The following SLC25A23 variants were observed in gnomAD, a reference collection of about 807,000 sequenced individuals.
SLC25A23 encodes the protein mitochondrial adenyl nucleotide antiporter SLC25A23.
A neutral mutation model predicts 53.9 loss-of-function variants in SLC25A23; 32 were observed. That is an observed-to-expected ratio of 0.59 (90% CI 0.45 to 0.80). The LOEUF (loss-of-function observed/expected upper bound fraction) is 0.80, where lower values mean the gene tolerates loss of function less well. SLC25A23 is among the 30% of genes least tolerant of loss of function. The pLI is 0.00. For synonymous variants in SLC25A23, 275 were observed against 264.5 expected, an observed-to-expected ratio of 1.04 and a Z score of -0.38; for missense variants, 575 against 651.4, an observed-to-expected ratio of 0.88 and a Z score of 1.28.
intron 4 of SLC25A23, chr19:6,456,218 G>T: frequency 9.5e-7 from 1 of 1,057,896 alleles, no homozygotes; most frequent in Non-Finnish European, 1.3e-6. Context: ...GCTTCAATCA[G>T]ACAGCAGAGA....
Position 6,454,499 on chromosome 19 carries a change from G to A in SLC25A23, c.643-24C>T, listed in dbSNP as rs1163282177. ...ACCTGAATGGGGAGACAACAGCTTG[G>A]AGGTCCCCTCCCAGGTGTCAGGCCT... is the stretch of plus-strand genomic sequence containing the variant. On this transcript the variant is annotated intron_variant, in intron 5 of 9. Coordinates refer to ENST00000301454, the MANE Select transcript of SLC25A23 (RefSeq NM_024103.3). This position sits in a 1 kb window ranked among gnomAD's most constrained non-coding sequence, Gnocchi z 4.3. 1.9e-6 allele frequency: 3 copies of A among 1,613,666 alleles called. No homozygotes were observed. The highest frequency in any genetic ancestry group is 2.5e-6 in the Non-Finnish European group (3 of 1,179,906).
intron 8 of SLC25A23, among the ~76,000 whole-genome samples, chr19:6,451,950 C>G (rs1223490201): frequency 6.6e-6 from 1 of 151,914 alleles, no homozygotes; most frequent in Admixed American, 6.6e-5. Flanking sequence ...CTCCGCCTCC[C>G]AGGCTCAAGC....
intron 8 of SLC25A23, among the ~76,000 whole-genome samples, chr19:6,444,728 TGTGATCTTG>T (rs1425902357): frequency 2.6e-5 from 4 of 152,172 alleles, no homozygotes; most frequent in African/African-American, 9.6e-5. Flanking sequence ...AGTGCAGTGG[TGTGATCTTG>T]GCTCACTGCA....
At chr19:6,436,746 C>G (rs951819008), downstream of SLC25A23, among the ~76,000 whole-genome samples, 2 of 151,964 alleles carry the variant, frequency 1.3e-5, no homozygotes, top group African/African-American at 4.8e-5. Flanking sequence ...GACGGGGTTG[C>G]CATGTTGGCC....
In SLC25A23 at chr19:6,452,468, C is replaced by T. The variant is rs149780316; in HGVS notation, c.915G>A (p.Thr305=). ...TIIYPMEVLK[T]RLTLRRTGQY... is the part of the protein sequence containing the mutation. Reference sequence around the variant, plus strand: ...GGCCCGTCCGGCGCAAGGTCAGCCGCGTCTTCAGCACCTGGGGAGAACCTG... The same window carrying T: ...GGCCCGTCCGGCGCAAGGTCAGCCGTGTCTTCAGCACCTGGGGAGAACCTG... Residue 305 remains threonine, a synonymous_variant, in exon 8 of 10, where the codon ACG becomes ACA. Transcript: ENST00000301454. 44 of 1,604,698 alleles carry T rather than the reference C, an allele frequency of 2.7e-5. No homozygotes were observed. The highest frequency in any genetic ancestry group is 5.4e-5 in the African/African-American group (4 of 74,732).
chr19:6,458,172 C>T lies in SLC25A23; in HGVS notation c.283+26G>A, dbSNP rs758321701. 1.2e-5 allele frequency: 19 copies of T among 1,610,752 alleles called. No homozygotes were observed. The East Asian group carries it at 4.0e-4, about 34-fold the overall frequency. On this transcript the variant is annotated intron_variant, in intron 2 of 9. Transcript: ENST00000301454. Reference sequence around the variant, plus strand: ...GCCCCCACAGCCCTATCCCTTGGGGCCTGCAGGCAGGTCGCCCGACCTTAC... The same window carrying T: ...GCCCCCACAGCCCTATCCCTTGGGGTCTGCAGGCAGGTCGCCCGACCTTAC...
Position 6,454,798 on chromosome 19 carries a change from C to T in SLC25A23, c.484-81G>A. On this transcript the variant is annotated intron_variant, in intron 4 of 9. Transcript: ENST00000301454. The surrounding 1 kb of genome is among the most constrained non-coding windows in gnomAD (Gnocchi z 4.3). Reference sequence around the variant, plus strand: ...TCAGTCCTAAATAGGGGAGTCTCCTCTATGAATCCTAGGATACCCTAGAGT... The same window carrying T: ...TCAGTCCTAAATAGGGGAGTCTCCTTTATGAATCCTAGGATACCCTAGAGT... 2 of 1,513,870 alleles carry T rather than the reference C, an allele frequency of 1.3e-6. No individual in the cohort carries two copies. Among genetic ancestry groups the T allele is most frequent in the Non-Finnish European group, 9.0e-7 (1 of 1,112,190 alleles). 93.8% of individuals were successfully genotyped at this position (1,513,870 alleles called of 1,614,324 possible).
chr19:6,441,961 G>C lies in SLC25A23; in HGVS notation c.*14C>G, dbSNP rs748218826. 6 of 1,612,358 alleles carry C rather than the reference G, an allele frequency of 3.7e-6. No individual in the cohort carries two copies. Among genetic ancestry groups the C allele is most frequent in the Non-Finnish European group, 5.1e-6 (6 of 1,179,520 alleles). ...GTGGGGGGTGAGGGATTGGGGGGAC[G>C]GGCTCCGGGTCCCTCACCTGGACGT... On this transcript the variant is annotated 3_prime_UTR_variant, in exon 10 of 10. Transcript: ENST00000301454.
downstream of SLC25A23, chr19:6,438,732 C>T (rs911030374): frequency 1.4e-5 from 4 of 278,022 alleles, no homozygotes; most frequent in Middle Eastern, 8.5e-4. Flanking sequence ...ACCTGTAATA[C>T]CAGCTACTCT....
chr19:6,453,688 G>A (rs932770998), intron 7 of SLC25A23, among the ~76,000 whole-genome samples: 1 of 152,080 alleles, frequency 6.6e-6, no homozygotes, highest in African/African-American at 2.4e-5. Context: ...ACCTAGACAC[G>A]ACGTCCCTGG....
intron 8 of SLC25A23, among the ~76,000 whole-genome samples, chr19:6,447,305 A>G (rs2092518951): frequency 6.6e-6 from 1 of 151,790 alleles, no homozygotes; most frequent in Non-Finnish European, 1.5e-5. Context: ...GACCAAAACT[A>G]TTATTATTAT....
intron 7 of SLC25A23, 38 bp from the exon 8 acceptor site, chr19:6,452,517 A>G (rs1418062029): frequency 6.4e-7 from 1 of 1,574,570 alleles, no homozygotes; most frequent in Non-Finnish European, 8.7e-7. Flanking sequence ...AAGCTGTCCC[A>G]CCAAATCGCT....
chr19:6,444,927 A>G (rs1318481308), intron 8 of SLC25A23, among the ~76,000 whole-genome samples: 1 of 152,060 alleles, frequency 6.6e-6, no homozygotes, highest in Non-Finnish European at 1.5e-5. Flanking sequence ...TCAGCCTCTC[A>G]AAGTGCTGGG....
At chr19:6,452,571 CAG>C (rs1273360217) in intron 7 of SLC25A23, 92 bp from the exon 8 acceptor site, 7 of 1,440,990 alleles carry the variant, frequency 4.9e-6, no homozygotes, top group Middle Eastern at 1.8e-4. Context: ...CTCCTGAAAA[CAG>C]ATGCCCTGAG....
intron 3 of SLC25A23, among the ~76,000 whole-genome samples, chr19:6,456,878 C>T (rs1366210153): frequency 1.3e-5 from 2 of 151,798 alleles, no homozygotes; most frequent in Non-Finnish European, 2.9e-5. Flanking sequence ...CAGGGTTTCA[C>T]CATATTGGCC....
chr19:6,456,491 A>G lies in SLC25A23; in HGVS notation c.412T>C (p.Trp138Arg). ...DGTMTIDWQEWRDHFLLHSLE... is the reference protein window; with the variant it reads ...DGTMTIDWQERRDHFLLHSLE... ...GAATGCAACAGGAAGTGGTCGCGCCATTCTTGCCAGTCAATGGTCATTGTG... is the reference window on the plus strand; with the variant it reads ...GAATGCAACAGGAAGTGGTCGCGCCGTTCTTGCCAGTCAATGGTCATTGTG... Residue 138 changes from tryptophan to arginine, a missense_variant, in exon 4 of 10, where the codon TGG becomes CGG. Coordinates refer to ENST00000301454, the MANE Select transcript of SLC25A23 (RefSeq NM_024103.3). 1.9e-6 allele frequency: 3 copies of G among 1,613,396 alleles called. No homozygotes were observed. The highest frequency in any genetic ancestry group is 8.5e-7 in the Non-Finnish European group (1 of 1,179,940).
At position 6,459,542 on chromosome 19, in the gene SLC25A23, C is replaced by A; in HGVS notation, c.87G>T (p.Val29=). Reference sequence around the variant, plus strand: ...GCCCCTGGCGCAACTCGTGCACGTCCACGCGGCCATCCTTGTTACTGTCCA... The same window carrying A: ...GCCCCTGGCGCAACTCGTGCACGTCAACGCGGCCATCCTTGTTACTGTCCA... The part of the protein sequence containing the change: ...EELDSNKDGR[V]DVHELRQGLA... The change falls in exon 1 of 10, where the codon GTG becomes GTT. Residue 29 remains valine (V), a synonymous_variant. Transcript: ENST00000301454. This position sits in a 1 kb window ranked among gnomAD's most constrained non-coding sequence, Gnocchi z 4.6. 6.3e-7 allele frequency: 1 copy of A among 1,599,346 alleles called. No individual in the cohort carries two copies. The highest frequency in any genetic ancestry group is 8.5e-7 in the Non-Finnish European group (1 of 1,177,200).
intron 8 of SLC25A23, among the ~76,000 whole-genome samples, chr19:6,447,207 A>G (rs1330382843): frequency 6.6e-6 from 1 of 152,174 alleles, no homozygotes; most frequent in Non-Finnish European, 1.5e-5. Flanking sequence ...TACTGTGTGC[A>G]TTGACTCCCT....
In SLC25A23 at chr19:6,444,537, T is replaced by C. The variant is rs147252865; in HGVS notation, c.1072-236A>G. Among the ~76,000 whole-genome samples the C allele has an allele frequency of 2.4e-3, 365 of 152,288 alleles. 2 individuals are homozygous for C. The highest frequency in any genetic ancestry group is 8.5e-3 in the African/African-American group (353 of 41,554). On this transcript the variant is annotated intron_variant, in intron 8 of 9. Transcript: ENST00000301454. ...TGACTATGCCCTAATCTCTGGAACC[T>C]CTGCATATGTTACCCAAGATGACAC...
Sources: gnomAD v4.1 joint callset for allele counts (sites outside exome capture counted in the v4.1 genomes callset) on GRCh38, gnomAD v4.1.1 for gene constraint, Gnocchi (gnomAD v3.1) non-coding constraint, MANE v1.5 for transcripts, NCBI Gene and HGNC (gene_info 2026-07-23, HGNC 2026-07-21) for gene names.